Variants in NKAIN2 observed in about 807,000 individuals in gnomAD.
NKAIN2 encodes the protein sodium/potassium-transporting ATPase subunit beta-1-interacting protein 2.
In NKAIN2, 14 loss-of-function variants were observed where a neutral mutation model predicts 32.6. The observed-to-expected ratio is 0.43, with a 90% confidence interval of 0.28 to 0.67. The LOEUF (loss-of-function observed/expected upper bound fraction) is 0.67, where lower values mean the gene tolerates loss of function less well. Among genes scored for constraint, NKAIN2 ranks in the 30% least tolerant of loss-of-function variants. The probability of loss-of-function intolerance (pLI) is 0.17; values close to 1 mark genes in which losing one functional copy is unlikely to be tolerated. For synonymous variants in NKAIN2, 80 were observed against 87.2 expected, an observed-to-expected ratio of 0.92 and a Z score of 0.46; for missense variants, 198 against 258.3, an observed-to-expected ratio of 0.77 and a Z score of 1.60.
At chr6:124,321,672 TGCTTTCATACTATAAAAGAATAACCTGA>T (rs1797198141) in intron 2 of NKAIN2, among the ~76,000 whole-genome samples, 1 of 152,112 alleles carries the variant, frequency 6.6e-6, no homozygotes, top group Admixed American at 6.5e-5. Context: ...CATGTCATAT[TGCTTTCATACTATAAAAGAATAACCTGA>T]GCTCTGGATG....
intron 4 of NKAIN2, among the ~76,000 whole-genome samples, chr6:124,722,420 C>T (rs1038428944): frequency 2.6e-5 from 4 of 152,232 alleles, no homozygotes; most frequent in South Asian, 2.1e-4. Flanking sequence ...GGACCAGTTT[C>T]GTGGAAGACA....
intron 4 of NKAIN2, among the ~76,000 whole-genome samples, chr6:124,687,022 T>C (rs1275294943): frequency 6.6e-6 from 1 of 151,950 alleles, no homozygotes; most frequent in African/African-American, 2.4e-5. Context: ...AACATCAGAC[T>C]CCAAGTTCTT....
intron 1 of NKAIN2, among the ~76,000 whole-genome samples, chr6:123,877,174 A>T (rs1313048874): frequency 6.6e-6 from 1 of 152,104 alleles, no homozygotes; most frequent in Non-Finnish European, 1.5e-5. Flanking sequence ...GCCTAATATT[A>T]TTTAACATAT....
In NKAIN2 at chr6:124,515,700, T is replaced by A. The variant is rs1778882157; in HGVS notation, c.274-142486T>A. On this transcript the variant is annotated intron_variant, in intron 3 of 6. Transcript: ENST00000368417. ...ACTATAGCACTTCCCTACTTCATTT[T>A]TCTTCGCTTTCTCTCCGTCTCGCTC... Among the ~76,000 whole-genome samples, 3 of 3,548 alleles carry A rather than the reference T, an allele frequency of 8.5e-4. 1 individual carries two copies. The highest frequency in any genetic ancestry group is 9.4e-4 in the African/African-American group (3 of 3,176). The allele number at this position is 3,548 out of a possible 152,430, so 2.3% of individuals were successfully genotyped here.
intron 5 of NKAIN2, among the ~76,000 whole-genome samples, chr6:124,801,008 A>T (rs543137023): frequency 2.6e-5 from 4 of 152,334 alleles, no homozygotes; most frequent in African/African-American, 9.6e-5. Context: ...GGAAGCACAC[A>T]GTCACACATC....
intron 3 of NKAIN2, among the ~76,000 whole-genome samples, chr6:124,647,595 A>ATACTC (rs2114383434): frequency 6.6e-6 from 1 of 151,416 alleles, no homozygotes; most frequent in African/African-American, 2.4e-5. Context: ...AATATCCTTT[A>ATACTC]TACTCTTCAA....
chr6:124,645,374 C>A (rs1259127743), intron 3 of NKAIN2, among the ~76,000 whole-genome samples: 1 of 152,166 alleles, frequency 6.6e-6, no homozygotes, highest in Non-Finnish European at 1.5e-5. Context: ...GCTTCTCCCC[C>A]AAACAGGCAA....
At chr6:124,625,267 A>C (rs1783272812) in intron 3 of NKAIN2, among the ~76,000 whole-genome samples, 1 of 152,080 alleles carries the variant, frequency 6.6e-6, no homozygotes, top group Admixed American at 6.6e-5. Flanking sequence ...CAAAAAAAAC[A>C]AAAATCTTAC....
intron 4 of NKAIN2, among the ~76,000 whole-genome samples, chr6:124,751,901 G>A (rs976096892): frequency 4.6e-5 from 7 of 151,894 alleles, no homozygotes; most frequent in Non-Finnish European, 1.0e-4. Context: ...AGGAACTCTT[G>A]GTCCTGGGAA....
intron 5 of NKAIN2, among the ~76,000 whole-genome samples, chr6:124,806,819 A>AGGATGGAGGAAGATCT (rs1307158211): frequency 2.3e-4 from 35 of 151,688 alleles, no homozygotes; most frequent in South Asian, 8.4e-4. Context: ...GGAAAACAAA[A>AGGATGGAGGAAGATCT]AAAGGCAGGG....
intron 3 of NKAIN2, among the ~76,000 whole-genome samples, chr6:124,558,676 G>A (rs1780568529): frequency 6.6e-6 from 1 of 152,168 alleles, no homozygotes; most frequent in African/African-American, 2.4e-5. Flanking sequence ...AGCTGGATGT[G>A]GTGGCTCAAG....
intron 1 of NKAIN2, among the ~76,000 whole-genome samples, chr6:123,976,342 TGTTCCC>T (rs567696899): frequency 0.012 from 177 of 15,020 alleles, 7 homozygotes; most frequent in African/African-American, 0.017. Context: ...TATATATATA[TGTTCCC>T]ATATATATAT....
chr6:124,760,952 G>T (rs1562368643), intron 4 of NKAIN2, among the ~76,000 whole-genome samples: 1 of 152,114 alleles, frequency 6.6e-6, no homozygotes, highest in African/African-American at 2.4e-5. Context: ...CTGGCACATA[G>T]TAGGCACCCA....
chr6:124,481,826 G>A (rs1292098099), intron 3 of NKAIN2, among the ~76,000 whole-genome samples: 16 of 151,816 alleles, frequency 1.1e-4, no homozygotes, highest in Admixed American at 1.0e-3. Flanking sequence ...CATAACAGGG[G>A]TAATATTTTT....
rs969942684 is a variant in NKAIN2 at position 123,804,107 on chromosome 6, T to G, written c.-94T>G. On this transcript the variant is annotated 5_prime_UTR_variant, in exon 1 of 7. Coordinates refer to ENST00000368417, the MANE Select transcript of NKAIN2 (RefSeq NM_001040214.3). ...CGGAGCCCCCGAGCCCTCGGCAGGT[T>G]TGCGTGTCCTTCCCCGCGATCTGAT... 49 of 1,186,994 alleles carry G rather than the reference T, an allele frequency of 4.1e-5. No individual in the cohort carries two copies. The highest frequency in any genetic ancestry group is 2.5e-4 in the Admixed American group (15 of 59,386). 73.5% of individuals were successfully genotyped at this position (1,186,994 alleles called of 1,614,324 possible). A position where few individuals can be genotyped will look rare whatever the true frequency, so the allele number is the denominator to read the frequency against.
intron 1 of NKAIN2, among the ~76,000 whole-genome samples, chr6:124,023,080 ATG>A (rs199648707): frequency 6.6e-6 from 1 of 150,816 alleles, no homozygotes; most frequent in African/African-American, 2.5e-5. Context: ...ATATATATAT[ATG>A]TGTGTGTATG....
intron 1 of NKAIN2, among the ~76,000 whole-genome samples, chr6:123,882,729 G>T (rs1185680511): frequency 6.6e-6 from 1 of 152,138 alleles, no homozygotes; most frequent in South Asian, 2.1e-4. Flanking sequence ...GCACAAATTT[G>T]TAGTCCATTA....
At chr6:123,974,285 A>G (rs1397839982) in intron 1 of NKAIN2, among the ~76,000 whole-genome samples, 1 of 147,038 alleles carries the variant, frequency 6.8e-6, no homozygotes, top group Non-Finnish European at 1.5e-5. Flanking sequence ...TCCATTAAAG[A>G]TTAGAAAAAT....
chr6:124,341,534 A>G (rs761720156), intron 2 of NKAIN2, among the ~76,000 whole-genome samples: 27 of 152,166 alleles, frequency 1.8e-4, no homozygotes, highest in Non-Finnish European at 2.6e-4. Context: ...AAGGGGGAAA[A>G]CAAATCTTAT....
Sources: allele counts gnomAD v4.1 joint callset (sites outside exome capture counted in the v4.1 genomes callset), GRCh38; gene constraint gnomAD v4.1.1; transcripts MANE v1.5; gene names NCBI Gene and HGNC (gene_info 2026-07-23, HGNC 2026-07-21).